Variants in YY1 observed in about 807,000 individuals in gnomAD.
The protein encoded by YY1 is transcriptional repressor protein YY1.
YY1 carries 2 observed loss-of-function variants against 35.6 expected under a neutral mutation model. The ratio of observed to expected loss-of-function variants is 0.06; its 90% CI spans 0.02 to 0.18. YY1 has a LOEUF of 0.18. Ranked by LOEUF, YY1 falls within the 10% of genes least tolerant of loss-of-function variation. The pLI is 1.00. For synonymous variants in YY1, 268 were observed against 238.9 expected, an observed-to-expected ratio of 1.12 and a Z score of -1.12; for missense variants, 322 against 573.4, an observed-to-expected ratio of 0.56 and a Z score of 4.48.
At chr14:100,275,715 C>T (rs1303038062) in intron 3 of YY1, 1 of 152,252 alleles carries the variant, frequency 6.6e-6, no homozygotes, top group Admixed American at 6.5e-5. Context: ...ACTGGGGCTT[C>T]CCTCTCCCTT....
At position 100,249,352 on chromosome 14, in the gene YY1, C is replaced by T. The variant is rs542740682; in HGVS notation, c.679+9429C>T. ...GCCAGGCTGGTCTTGAACTCCTGAC[C>T]TCAAGTGATCTGCCTGCCTCAGCCT... On this transcript the variant is annotated intron_variant, in intron 1 of 4. Coordinates refer to ENST00000262238, the MANE Select transcript of YY1 (RefSeq NM_003403.5). 6.6e-5 allele frequency among the ~76,000 whole-genome samples: 10 copies of T among 151,806 alleles called. No individual in the cohort carries two copies. The South Asian group carries it at 1.7e-3, about 25-fold the overall frequency.
rs1891440062 is a variant in YY1, at chr14:100,281,923, T to G, written c.*4323T>G. The G allele has an allele frequency of 6.6e-6, 1 of 152,158 alleles. No homozygotes were observed. The highest frequency in any genetic ancestry group is 1.5e-5 in the Non-Finnish European group (1 of 68,050). 9.4% of individuals were successfully genotyped at this position (152,158 alleles called of 1,614,324 possible). ...TCCACCCCCAGGCCCAAGGGATCAG[T>G]GTGGTGCCAGAGAGGATCTTTAAGC... On this transcript the variant is annotated 3_prime_UTR_variant, in exon 5 of 5. Transcript: ENST00000262238.
rs377305168 is a variant in YY1 at position 100,262,485 on chromosome 14, C to T, written c.842+19C>T. The T allele has an allele frequency of 6.2e-7, 1 of 1,613,422 alleles. No individual in the cohort carries two copies. Among genetic ancestry groups the T allele is most frequent in the Non-Finnish European group, 8.5e-7 (1 of 1,179,590 alleles). The stretch of plus-strand genomic sequence containing the variant: ...TTGCTAGGTAAGTTATAAGAACTTT[C>T]CTTTCTTTTAATTATAGAAAGTGCT... On this transcript the variant is annotated intron_variant, in intron 2 of 4. Transcript: ENST00000262238.
chr14:100,279,574 G>A lies in YY1; in HGVS notation c.*1974G>A, dbSNP rs1254159541. The A allele has an allele frequency of 2.0e-5, 3 of 152,268 alleles. No homozygotes were observed. Among genetic ancestry groups the A allele is most frequent in the Admixed American group, 6.5e-5 (1 of 15,290 alleles). The allele number at this position is 152,268 out of a possible 1,614,324, so 9.4% of individuals were successfully genotyped here. On this transcript the variant is annotated 3_prime_UTR_variant, in exon 5 of 5. Coordinates refer to ENST00000262238, the MANE Select transcript of YY1 (RefSeq NM_003403.5). ...GGGTAAGCCAGGCTTTGCTGTATCT[G>A]GCAGTCAGGAGAGAGGTCAGCCCAT... is the stretch of plus-strand genomic sequence containing the variant.
At chr14:100,271,832 C>T (rs114394718) in intron 2 of YY1, among the ~76,000 whole-genome samples, 303 of 152,020 alleles carry the variant, frequency 2.0e-3, no homozygotes, top group African/African-American at 7.0e-3. Flanking sequence ...TTTTTAGAGA[C>T]GGGGTGTTGC....
In YY1 at chr14:100,280,134, A is replaced by C. The variant is rs1405918705; in HGVS notation, c.*2534A>C. ...CTTTGCAACAATAGAAAACTAACAA[A>C]TGAGCAACAATATAAAGAGTAGAGG... is the stretch of plus-strand genomic sequence containing the variant. On this transcript the variant is annotated 3_prime_UTR_variant, in exon 5 of 5. Transcript: ENST00000262238. 2.0e-5 allele frequency: 3 copies of C among 152,238 alleles called. No homozygotes were observed. The highest frequency in any genetic ancestry group is 4.4e-5 in the Non-Finnish European group (3 of 68,042). The allele number at this position is 152,238 out of a possible 1,614,324, so 9.4% of individuals were successfully genotyped here. A position where few individuals can be genotyped will look rare whatever the true frequency, so the allele number is the denominator to read the frequency against.
chr14:100,264,598 G>C (rs1891127542), intron 2 of YY1, among the ~76,000 whole-genome samples: 1 of 152,196 alleles, frequency 6.6e-6, no homozygotes, highest in African/African-American at 2.4e-5. Context: ...AGGCTGTGCA[G>C]ACATTTCTCA....
At chr14:100,274,611 G>GA (rs1432571384) in intron 2 of YY1, 87 bp from the exon 3 acceptor site, 1 of 1,207,428 alleles carries the variant, frequency 8.3e-7, no homozygotes, top group Non-Finnish European at 1.2e-6. Context: ...TACCTATAAG[G>GA]AAAGCATTTT....
intron 2 of YY1, among the ~76,000 whole-genome samples, chr14:100,272,477 T>TCA (rs1295887046): frequency 2.0e-5 from 3 of 152,174 alleles, no homozygotes; most frequent in Non-Finnish European, 4.4e-5. Context: ...AGGTTACAGA[T>TCA]CAGGTCATCC....
At chr14:100,241,858 C>CA (rs1285588480) in intron 1 of YY1, among the ~76,000 whole-genome samples, 4 of 151,750 alleles carry the variant, frequency 2.6e-5, no homozygotes, top group Non-Finnish European at 5.9e-5. Flanking sequence ...CCCGTAATCC[C>CA]AGCTACTCGG....
In YY1 at chr14:100,274,677, C is replaced by G. The variant is rs775967344; in HGVS notation, c.843-21C>G. ...TACCCACTCCTACAAATCTGTCTGT[C>G]TCTCTTTTTCTTTTGATAAGAATGA... On this transcript the variant is annotated intron_variant, in intron 2 of 4. Coordinates refer to ENST00000262238, the MANE Select transcript of YY1 (RefSeq NM_003403.5). 3.1e-6 allele frequency: 5 copies of G among 1,608,578 alleles called. No homozygotes were observed. The Admixed American group carries it at 8.3e-5, about 27-fold the overall frequency.
intron 2 of YY1, among the ~76,000 whole-genome samples, chr14:100,271,703 C>T (rs1412511148): frequency 2.0e-5 from 3 of 151,816 alleles, no homozygotes; most frequent in African/African-American, 7.3e-5. Context: ...AGGTCTCGTT[C>T]TGTCACCGAA....
chr14:100,240,009 C>T (rs1355318719), intron 1 of YY1, 86 bp downstream of exon 1: 3 of 1,325,202 alleles, frequency 2.3e-6, no homozygotes, highest in Admixed American at 2.9e-5. Flanking sequence ...GCGCCGCCAT[C>T]TTCTTCGCCA....
rs570943388 is a variant in YY1, at chr14:100,255,274, T to G, written c.680-7030T>G. On this transcript the variant is annotated intron_variant, in intron 1 of 4. Coordinates refer to ENST00000262238, the MANE Select transcript of YY1 (RefSeq NM_003403.5). ...AATAACCACAAAAATTATTTCAAACTTAGACCAACAAAATATGTTTTATTT... is the reference window on the plus strand; with the variant it reads ...AATAACCACAAAAATTATTTCAAACGTAGACCAACAAAATATGTTTTATTT... 1.7e-4 allele frequency among the ~76,000 whole-genome samples: 26 copies of G among 152,260 alleles called. No individual in the cohort carries two copies. In the South Asian group the frequency reaches 5.2e-3, roughly 30 times the overall value.
intron 1 of YY1, 122 bp downstream of exon 1, chr14:100,240,045 T>G: frequency 8.4e-6 from 6 of 716,272 alleles, no homozygotes; most frequent in East Asian, 9.2e-5. Flanking sequence ...CCCCAAAAGA[T>G]GGCGGGCCGT....
At chr14:100,254,343 T>C (rs1890968832) in intron 1 of YY1, among the ~76,000 whole-genome samples, 1 of 152,230 alleles carries the variant, frequency 6.6e-6, no homozygotes, top group Admixed American at 6.5e-5. Context: ...TGTGTCCAGC[T>C]TGTGAAAATG....
chr14:100,248,272 C>T (rs370398829), intron 1 of YY1, among the ~76,000 whole-genome samples: 68 of 151,800 alleles, frequency 4.5e-4, no homozygotes, highest in African/African-American at 1.2e-3. Flanking sequence ...CCCACCACCA[C>T]GCCTGGCTAA....
intron 2 of YY1, among the ~76,000 whole-genome samples, chr14:100,266,154 C>T (rs1314761733): frequency 6.6e-6 from 1 of 152,082 alleles, no homozygotes; most frequent in Non-Finnish European, 1.5e-5. Context: ...GATTGGTCCC[C>T]ATGATTCAGT....
At chr14:100,267,935 G>A (rs1327083266) in intron 2 of YY1, among the ~76,000 whole-genome samples, 3 of 152,212 alleles carry the variant, frequency 2.0e-5, no homozygotes, top group East Asian at 3.8e-4. Context: ...AGATCTTCAC[G>A]TTTTGAGGAT....
Sources: allele counts gnomAD v4.1 joint callset (sites outside exome capture counted in the v4.1 genomes callset), GRCh38; gene constraint gnomAD v4.1.1; transcripts MANE v1.5; gene names NCBI Gene and HGNC (gene_info 2026-07-23, HGNC 2026-07-21).